Variants in DHRSX observed in about 807,000 individuals in gnomAD.
The protein encoded by DHRSX is dehydrogenase/reductase X-linked, also known as polyprenol dehydrogenase.
In DHRSX, 31 loss-of-function variants were observed where a neutral mutation model predicts 34.0. The ratio of observed to expected loss-of-function variants is 0.91; its 90% confidence interval spans 0.69 to 1.23. DHRSX has a LOEUF of 1.23. Ranked by LOEUF, DHRSX falls within the 50% of genes most tolerant of loss-of-function variation. The pLI is 0.00. For missense variants in DHRSX, 414 were observed against 428.1 expected, an observed-to-expected ratio of 0.97 and a Z score of 0.29; for synonymous variants, 201 against 183.8, an observed-to-expected ratio of 1.09 and a Z score of -0.76.
intron 3 of DHRSX, among the ~76,000 whole-genome samples, chrX:2,329,113 A>C (rs1358039413): frequency 2.6e-5 from 4 of 152,200 alleles, no homozygotes; most frequent in African/African-American, 9.7e-5. Context: ...GAGATTCTGC[A>C]CTTGTACTCC....
intron 1 of DHRSX, among the ~76,000 whole-genome samples, chrX:2,493,503 T>C (rs1174918210): frequency 6.6e-6 from 1 of 151,812 alleles, no homozygotes; most frequent in Admixed American, 6.6e-5. Flanking sequence ...CTGAAAGCGG[T>C]TCTGGAACCT....
At chrX:2,475,464 T>C (rs181883550) in intron 1 of DHRSX, among the ~76,000 whole-genome samples, 3 of 150,812 alleles carry the variant, frequency 2.0e-5, no homozygotes, top group Admixed American at 2.0e-4. Flanking sequence ...ACCGCCGCCC[T>C]GTGCACACTG....
intron 6 of DHRSX, among the ~76,000 whole-genome samples, chrX:2,230,062 T>C (rs2124406968): frequency 6.6e-6 from 1 of 152,298 alleles, no homozygotes; most frequent in South Asian, 2.1e-4. Context: ...TCTGTGTGCA[T>C]GGGTTTGCAC....
At chrX:2,311,713 C>A (rs536795994) in intron 3 of DHRSX, among the ~76,000 whole-genome samples, 1 of 152,286 alleles carries the variant, frequency 6.6e-6, no homozygotes, top group Admixed American at 6.5e-5. Context: ...AAGAACAATT[C>A]TGTCTCCAAG....
At chrX:2,366,904 T>C (rs2043000307) in intron 3 of DHRSX, among the ~76,000 whole-genome samples, 1 of 152,010 alleles carries the variant, frequency 6.6e-6, no homozygotes, top group South Asian at 2.1e-4. Flanking sequence ...ATCATTCGTG[T>C]GTACAATATT....
At chrX:2,351,047 A>G (rs1041363122) in intron 3 of DHRSX, among the ~76,000 whole-genome samples, 10 of 152,134 alleles carry the variant, frequency 6.6e-5, no homozygotes, top group Non-Finnish European at 1.2e-4. Context: ...ACATGGACAC[A>G]GGGAAGGGAA....
Position 2,366,991 on chromosome X carries a change from G to A in DHRSX, c.286+41754C>T, listed in dbSNP as rs1413815140. On this transcript the variant is annotated intron_variant, in intron 3 of 6. Coordinates refer to ENST00000334651, the MANE Select transcript of DHRSX (RefSeq NM_145177.3). ...AGACTTTGTGAGGATGTGTATGTGC[G>A]GTTTCTCATCTGAATGCAGCCATTT... Among the ~76,000 whole-genome samples the A allele has an allele frequency of 3.3e-5, 5 of 152,132 alleles. 1 individual carries two copies.
chrX:2,471,289 G>A (rs906937315), intron 1 of DHRSX, among the ~76,000 whole-genome samples: 22 of 152,276 alleles, frequency 1.4e-4, no homozygotes, highest in Non-Finnish European at 2.6e-4. Context: ...ATCCACACTG[G>A]GCTGGGCGCG....
intron 1 of DHRSX, among the ~76,000 whole-genome samples, chrX:2,431,241 C>A (rs1166263449): frequency 1.3e-5 from 2 of 150,202 alleles, no homozygotes; most frequent in Non-Finnish European, 3.0e-5. Context: ...AGGAGAATGG[C>A]GTGAACCTGG....
intron 1 of DHRSX, among the ~76,000 whole-genome samples, chrX:2,467,448 C>G (rs188239134): frequency 6.6e-6 from 1 of 152,174 alleles, no homozygotes; most frequent in Non-Finnish European, 1.5e-5. Flanking sequence ...GCTCTCCACA[C>G]GGGTGACCCC....
intron 1 of DHRSX, chrX:2,490,169 A>G (rs1255514331): frequency 6.2e-7 from 1 of 1,613,898 alleles, no homozygotes; most frequent in South Asian, 1.1e-5. Context: ...CTCCTTCAGG[A>G]TCACCTCCCG....
At chrX:2,232,021 C>T (rs2015903146) in intron 6 of DHRSX, among the ~76,000 whole-genome samples, 1 of 55,374 alleles carries the variant, frequency 1.8e-5, no homozygotes, top group Non-Finnish European at 3.7e-5. Flanking sequence ...TCTTCTCCTC[C>T]TTCTTCCTTC....
intron 1 of DHRSX, among the ~76,000 whole-genome samples, chrX:2,484,403 T>A (rs28680178): frequency 0.099 from 15,046 of 152,000 alleles, 1,062 homozygotes; most frequent in South Asian, 0.25. Flanking sequence ...GCCAAGGACC[T>A]CCCGCATCTG....
chrX:2,247,736 T>C (rs1045448478), intron 5 of DHRSX, among the ~76,000 whole-genome samples: 8 of 148,344 alleles, frequency 5.4e-5, no homozygotes, highest in African/African-American at 1.2e-4. Context: ...ACAAAACCAA[T>C]AATGCATGCC....
intron 4 of DHRSX, among the ~76,000 whole-genome samples, chrX:2,283,146 G>A (rs1222823060): frequency 1.3e-5 from 2 of 151,866 alleles, no homozygotes; most frequent in African/African-American, 2.4e-5. Flanking sequence ...TCGGGAGGGC[G>A]GTGGGAAGGA....
intron 3 of DHRSX, among the ~76,000 whole-genome samples, chrX:2,324,598 C>G (rs969501781): frequency 7.2e-5 from 11 of 151,994 alleles, no homozygotes; most frequent in Non-Finnish European, 2.9e-5. Context: ...TCTTCAGGGA[C>G]CATGTCCTAT....
chrX:2,305,653 T>C (rs918804041), intron 3 of DHRSX, among the ~76,000 whole-genome samples: 3 of 152,110 alleles, frequency 2.0e-5, no homozygotes, highest in Non-Finnish European at 4.4e-5. Context: ...TGGACTACTA[T>C]GCAGACATTA....
intron 5 of DHRSX, among the ~76,000 whole-genome samples, chrX:2,252,944 G>A (rs1196125072): frequency 3.0e-5 from 3 of 101,128 alleles, no homozygotes; most frequent in African/African-American, 1.2e-4. Flanking sequence ...GAGCACTTAG[G>A]GGACACTAAG....
chrX:2,282,459 G>A (rs1284449802), intron 4 of DHRSX, among the ~76,000 whole-genome samples: 1 of 149,076 alleles, frequency 6.7e-6, no homozygotes, highest in East Asian at 2.0e-4. Flanking sequence ...ATGGGGGAAG[G>A]AGGAAAGAGA....
Sources: gnomAD v4.1 joint callset for allele counts (sites outside exome capture counted in the v4.1 genomes callset) on GRCh38, gnomAD v4.1.1 for gene constraint, MANE v1.5 for transcripts, NCBI Gene and HGNC (gene_info 2026-07-23, HGNC 2026-07-21) for gene names.